Variants in PDE4B observed in about 807,000 individuals in gnomAD.
PDE4B encodes phosphodiesterase 4B, also known as 3',5'-cyclic-AMP phosphodiesterase 4B.
A neutral mutation model predicts 82.2 loss-of-function variants in PDE4B; 20 were observed. The ratio of observed to expected loss-of-function variants is 0.24; its 90% CI spans 0.17 to 0.35. The LOEUF (loss-of-function observed/expected upper bound fraction) is 0.35. Among genes scored for constraint, PDE4B ranks in the 10% least tolerant of loss-of-function variants. The pLI is 1.00. For synonymous variants in PDE4B, 320 were observed against 318.9 expected, an observed-to-expected ratio of 1.00 and a Z score of -0.04; for missense variants, 655 against 907.2, an observed-to-expected ratio of 0.72 and a Z score of 3.57.
intron 7 of PDE4B, among the ~76,000 whole-genome samples, chr1:66,306,647 TAA>T: frequency 6.6e-6 from 1 of 152,142 alleles, no homozygotes; most frequent in Non-Finnish European, 1.5e-5. Context: ...TAATCATTTT[TAA>T]ATATTGCATT....
At chr1:65,922,062 C>T (rs1647268809) in intron 3 of PDE4B, among the ~76,000 whole-genome samples, 1 of 152,008 alleles carries the variant, frequency 6.6e-6, no homozygotes, top group Admixed American at 6.6e-5. Flanking sequence ...AGAAAAAAGG[C>T]CGGGAATATA....
In PDE4B at chr1:66,257,609, G is replaced by A. The variant is rs781129801; in HGVS notation, c.477-38G>A. 4 of 1,576,710 alleles carry A rather than the reference G, an allele frequency of 2.5e-6. No homozygotes were observed. In the South Asian group the frequency reaches 4.4e-5, roughly 17 times the overall value. Reference sequence around the variant, plus strand: ...CTTATATGTCACAGTTATAATTCAAGTAAATTTCTAAAGGTTCTTTTTTTC... The same window carrying A: ...CTTATATGTCACAGTTATAATTCAAATAAATTTCTAAAGGTTCTTTTTTTC... On this transcript the variant is annotated intron_variant, in intron 4 of 16. Transcript: ENST00000341517.
At position 65,913,293 on chromosome 1, in the gene PDE4B, G is replaced by C; in HGVS notation, c.-22G>C. ...GCATTGAATAACAGACATCCTAAGA[G>C]GGGATATTTTCCACCTCTATAATGA... On this transcript the variant is annotated 5_prime_UTR_variant, in exon 2 of 17. Coordinates refer to ENST00000341517, the MANE Select transcript of PDE4B (RefSeq NM_002600.4). 2 of 1,609,850 alleles carry C rather than the reference G, an allele frequency of 1.2e-6. No homozygotes were observed. The highest frequency in any genetic ancestry group is 1.1e-5 in the South Asian group (1 of 90,982).
At chr1:66,351,826 A>G (rs1661840433) in intron 8 of PDE4B, among the ~76,000 whole-genome samples, 1 of 152,214 alleles carries the variant, frequency 6.6e-6, no homozygotes, top group Non-Finnish European at 1.5e-5. Context: ...TGAAAGCCCA[A>G]CTAAGCCTAG....
intron 3 of PDE4B, among the ~76,000 whole-genome samples, chr1:66,139,895 A>G (rs1646137936): frequency 6.6e-6 from 1 of 152,178 alleles, no homozygotes; most frequent in African/African-American, 2.4e-5. Flanking sequence ...CCCATTGTAT[A>G]TGTTGGACGT....
At chr1:66,197,040 T>C (rs1275384128) in intron 3 of PDE4B, among the ~76,000 whole-genome samples, 1 of 152,090 alleles carries the variant, frequency 6.6e-6, no homozygotes, top group African/African-American at 2.4e-5. Context: ...CCATACCAAT[T>C]TGAAAACAGG....
chr1:66,256,237 T>C (rs1307695020), intron 4 of PDE4B, among the ~76,000 whole-genome samples: 1 of 152,132 alleles, frequency 6.6e-6, no homozygotes, highest in Non-Finnish European at 1.5e-5. Flanking sequence ...AAAGCACAGA[T>C]TTTTGAAACC....
chr1:65,846,395 A>T (rs1251752002), intron 1 of PDE4B, among the ~76,000 whole-genome samples: 1 of 152,240 alleles, frequency 6.6e-6, no homozygotes, highest in Non-Finnish European at 1.5e-5. Context: ...GAATTCAGAG[A>T]GGCAAAAATG....
At chr1:66,211,231 T>C (rs775042791) in intron 3 of PDE4B, among the ~76,000 whole-genome samples, 1 of 152,226 alleles carries the variant, frequency 6.6e-6, no homozygotes, top group African/African-American at 2.4e-5. Flanking sequence ...TCAGACACTA[T>C]CCAGGTGCAA....
intron 3 of PDE4B, among the ~76,000 whole-genome samples, chr1:65,978,838 T>G (rs1200736377): frequency 6.6e-6 from 1 of 152,194 alleles, no homozygotes; most frequent in East Asian, 1.9e-4. Flanking sequence ...GATTTATAGG[T>G]CTCTCACCTT....
At chr1:66,250,640 A>C (rs538973143) in intron 4 of PDE4B, among the ~76,000 whole-genome samples, 10 of 152,326 alleles carry the variant, frequency 6.6e-5, no homozygotes, top group South Asian at 6.2e-4. Flanking sequence ...ATGTGGCAAT[A>C]GTTTGCTGGT....
chr1:65,951,255 C>T lies in PDE4B; in HGVS notation c.281+32420C>T, dbSNP rs1478782436. On this transcript the variant is annotated intron_variant, in intron 3 of 16. Transcript: ENST00000341517. ...TCACATTCAGAATTGTGTGATCTAG[C>T]ATGAGAAAGGCTTAACCTTTTTCCT... 3.9e-5 allele frequency among the ~76,000 whole-genome samples: 6 copies of T among 152,046 alleles called. No homozygotes were observed. In the East Asian group the frequency reaches 5.8e-4, roughly 15 times the overall value.
intron 1 of PDE4B, among the ~76,000 whole-genome samples, chr1:65,854,109 C>T (rs1006974832): frequency 2.6e-5 from 4 of 151,808 alleles, no homozygotes; most frequent in Admixed American, 1.3e-4. Context: ...AACATTATAC[C>T]TCTTCACACA....
At chr1:65,794,057 GTGTC>G (rs1645604760) in intron 1 of PDE4B, among the ~76,000 whole-genome samples, 1 of 152,188 alleles carries the variant, frequency 6.6e-6, no homozygotes, top group Non-Finnish European at 1.5e-5. Flanking sequence ...GTGTGTGTGT[GTGTC>G]TGTGTGTGTC....
Position 65,976,129 on chromosome 1 carries a change from C to T in PDE4B, c.281+57294C>T, listed in dbSNP as rs563604714. On this transcript the variant is annotated intron_variant, in intron 3 of 16. Transcript: ENST00000341517. The stretch of plus-strand genomic sequence containing the variant: ...CAGCCTGTGAAAGCAGATGTAGGGG[C>T]TGTATGCAGTAAAGCCACAGTGGCA... Among the ~76,000 whole-genome samples, 4 of 152,310 alleles carry T rather than the reference C, an allele frequency of 2.6e-5. No homozygotes were observed. In the East Asian group the frequency reaches 7.7e-4, roughly 29 times the overall value.
At chr1:65,839,598 C>T (rs1164895308) in intron 1 of PDE4B, among the ~76,000 whole-genome samples, 1 of 152,178 alleles carries the variant, frequency 6.6e-6, no homozygotes, top group African/African-American at 2.4e-5. Context: ...AGGACAGGAA[C>T]TCATCCTTTT....
At chr1:65,927,044 G>A (rs571547969) in intron 3 of PDE4B, among the ~76,000 whole-genome samples, 55 of 151,868 alleles carry the variant, frequency 3.6e-4, no homozygotes, top group Non-Finnish European at 7.5e-4. Flanking sequence ...AAGGAGAGAG[G>A]GAGACTTTTT....
At chr1:66,217,729 G>T (rs565869388) in intron 3 of PDE4B, among the ~76,000 whole-genome samples, 2 of 152,228 alleles carry the variant, frequency 1.3e-5, no homozygotes, top group East Asian at 1.9e-4. Context: ...TCAAGGCCTA[G>T]GTTCTGTTGC....
At chr1:65,989,887 T>A (rs1651152180) in intron 3 of PDE4B, among the ~76,000 whole-genome samples, 1 of 74,162 alleles carries the variant, frequency 1.3e-5, no homozygotes, top group Non-Finnish European at 2.6e-5. Flanking sequence ...TTTGGCAAAG[T>A]GTCTCATTTT....
Sources: allele counts gnomAD v4.1 joint callset (sites outside exome capture counted in the v4.1 genomes callset), GRCh38; gene constraint gnomAD v4.1.1; transcripts MANE v1.5; gene names NCBI Gene and HGNC (gene_info 2026-07-23, HGNC 2026-07-21).